The following L3MBTL1 variants were observed in gnomAD, a reference collection of about 807,000 sequenced individuals.
L3MBTL1 encodes the protein L3MBTL histone methyl-lysine binding protein 1, also known as lethal(3)malignant brain tumor-like protein 1.
In L3MBTL1, 75 loss-of-function variants were observed where a neutral mutation model predicts 105.3. The observed-to-expected ratio is 0.71, with a 90% CI of 0.59 to 0.86. The LOEUF is 0.86. L3MBTL1 is among the 40% of genes least tolerant of loss of function. The pLI, the probability that L3MBTL1 is intolerant of heterozygous loss-of-function variation, is 0.00. For missense variants in L3MBTL1, 1,069 were observed against 1,126.4 expected (o/e 0.95, Z 0.73); for synonymous variants, 452 against 436.2 (o/e 1.04, Z -0.45).
At position 43,531,070 on chromosome 20, in the gene L3MBTL1, C is replaced by G. The variant is rs1461722222; in HGVS notation, c.1284+181C>G. The G allele has an allele frequency of 5.0e-6, 3 of 596,846 alleles. No individual in the cohort carries two copies. The East Asian group carries it at 8.7e-5, about 17-fold the overall frequency. The allele number at this position is 596,846 out of a possible 1,614,324, so 37.0% of individuals were successfully genotyped here. On this transcript the variant is annotated intron_variant, in intron 11 of 21. Transcript: ENST00000418998. ...AGGGTCCAGGGCCAGAGATGGGAAG[C>G]TGGTTATAGGTTTTTCCCGACTTCC... is the stretch of plus-strand genomic sequence containing the variant.
intron 11 of L3MBTL1, chr20:43,531,200 C>G (rs942423956): frequency 6.6e-6 from 2 of 303,786 alleles, no homozygotes; most frequent in Admixed American, 9.2e-5. Flanking sequence ...TATATTCTTG[C>G]TTTGGCTTGC....
intron 7 of L3MBTL1, among the ~76,000 whole-genome samples, chr20:43,522,660 CAG>C (rs1205372759): frequency 2.0e-5 from 3 of 150,892 alleles, no homozygotes; most frequent in Non-Finnish European, 4.4e-5. Flanking sequence ...TTTGTAGAGA[CAG>C]GGTTCCGCCA....
At position 43,513,584 on chromosome 20, in the gene L3MBTL1, C is replaced by T. The variant is rs2018197267; in HGVS notation, c.81C>T (p.Ala27=). Residue 27 remains alanine, a synonymous_variant, in exon 2 of 22, where the codon GCC becomes GCT. Transcript: ENST00000418998. ...GGGAGGTCAGCATGCACTTGGTGGC[C>T]GGAGACAGCCCCGGTTCTGGTCCTC... ...STGEVSMHLV[A]GDSPGSGPHL... The T allele has an allele frequency of 6.4e-7, 1 of 1,550,498 alleles. No individual in the cohort carries two copies. The highest frequency in any genetic ancestry group is 2.0e-5 in the Admixed American group (1 of 50,984).
exon 19 of L3MBTL1, chr20:43,549,730 A>ATGTGTGTG (rs11469857): frequency 6.7e-6 from 1 of 148,984 alleles, no homozygotes; most frequent in Admixed American, 6.7e-5. Flanking sequence ...GTGTGTGTGC[A>ATGTGTGTG]TGTGTGTGTG....
At chr20:43,525,761 G>T (rs1207817629) in intron 7 of L3MBTL1, among the ~76,000 whole-genome samples, 2 of 151,938 alleles carry the variant, frequency 1.3e-5, no homozygotes, top group African/African-American at 2.4e-5. Flanking sequence ...CCGTGAAAGG[G>T]GTTACTATGA....
chr20:43,534,637 A>T (rs2019512446), intron 15 of L3MBTL1, 191 bp from the exon 16 acceptor site: 1 of 607,656 alleles, frequency 1.6e-6, no homozygotes, highest in African/African-American at 1.9e-5. Context: ...TGCCAGTGGG[A>T]GATGCCAGTA....
Position 43,540,197 on chromosome 20 carries a change from G to C in L3MBTL1, c.2220G>C (p.Leu740=). 1 of 1,613,472 alleles carries C rather than the reference G, an allele frequency of 6.2e-7. No homozygotes were observed. The highest frequency in any genetic ancestry group is 8.5e-7 in the Non-Finnish European group (1 of 1,180,034). ...ACCAGTCCCTCTTCATGTCAGCCCT[G>C]TCGGCCCACCCTGACCGCTCACTCT... ...VVHQSLFMSA[L]SAHPDRSLSV... The change falls in exon 20 of 22, where the codon CTG becomes CTC. Residue 740 remains leucine, a synonymous_variant. Transcript: ENST00000418998.
In L3MBTL1 at chr20:43,516,192, G is replaced by GTGTA; in HGVS notation, c.862+17_862+20dup. 1 of 1,603,420 alleles carries GTGTA rather than the reference G, an allele frequency of 6.2e-7. No individual in the cohort carries two copies. The highest frequency in any genetic ancestry group is 8.5e-7 in the Non-Finnish European group (1 of 1,170,536). ...CAGCCAGCCTGGTACGGTGGCTTGT[G>GTGTA]TGTATATATATTCGTGTGAGGTGTG... On this transcript the variant is annotated intron_variant, in intron 7 of 21. Transcript: ENST00000418998.
chr20:43,514,380 G>C, intron 3 of L3MBTL1: 1 of 1,397,526 alleles, frequency 7.2e-7, no homozygotes, highest in Non-Finnish European at 9.4e-7. Flanking sequence ...GGTACCGTGG[G>C]ACTGGGCCTG....
Position 43,516,764 on chromosome 20 carries a change from GT to G in L3MBTL1, c.862+598del, listed in dbSNP as rs376865254. Among the ~76,000 whole-genome samples, 1,360 of 147,200 alleles carry G rather than the reference GT, an allele frequency of 9.2e-3. 19 individuals are homozygous for G. The highest frequency in any genetic ancestry group is 0.027 in the East Asian group (139 of 5,064). On this transcript the variant is annotated intron_variant, in intron 7 of 21. Transcript: ENST00000418998. ...AACCATCAACACAAGGACAGTATCT[GT>G]TTTTTTTTTTCTTTTTTAAAATTTT...
At chr20:43,524,292 T>C (rs1464829449) in intron 7 of L3MBTL1, among the ~76,000 whole-genome samples, 4 of 152,252 alleles carry the variant, frequency 2.6e-5, no homozygotes, top group African/African-American at 9.6e-5. Flanking sequence ...TTCCTCTAAA[T>C]ACTGCTTTGG....
At chr20:43,511,000 G>C (rs959126527) in intron 1 of L3MBTL1, among the ~76,000 whole-genome samples, 2 of 152,206 alleles carry the variant, frequency 1.3e-5, no homozygotes, top group African/African-American at 2.4e-5. Flanking sequence ...TGGGATTACA[G>C]GTGTGAGCCA....
chr20:43,529,702 G>A (rs545278834), intron 9 of L3MBTL1, among the ~76,000 whole-genome samples: 3 of 152,328 alleles, frequency 2.0e-5, no homozygotes, highest in Non-Finnish European at 4.4e-5. Flanking sequence ...TCAGTGACAT[G>A]CCACAGGGGT....
At chr20:43,518,069 G>A (rs571648725) in intron 7 of L3MBTL1, among the ~76,000 whole-genome samples, 2 of 151,924 alleles carry the variant, frequency 1.3e-5, no homozygotes, top group South Asian at 4.2e-4. Flanking sequence ...TTTTAGCTGG[G>A]TCCTGTTGAC....
intron 3 of L3MBTL1, 47 bp downstream of exon 3, chr20:43,514,108 G>C: frequency 1.4e-6 from 2 of 1,474,702 alleles, no homozygotes; most frequent in East Asian, 2.5e-5. Context: ...CGCAGCCATG[G>C]GGCGGGGCTT....
chr20:43,544,044 C>T (rs377020626), downstream of L3MBTL1, among the ~76,000 whole-genome samples: 5 of 152,160 alleles, frequency 3.3e-5, no homozygotes, highest in East Asian at 1.9e-4. Flanking sequence ...TGGTAAGGGC[C>T]GTGAAAGACA....
chr20:43,532,740 C>T, intron 11 of L3MBTL1, 33 bp from the exon 12 acceptor site: 2 of 1,613,380 alleles, frequency 1.2e-6, no homozygotes, highest in Admixed American at 1.7e-5. Flanking sequence ...GCCAGCTTGG[C>T]CCTGGCCGTG....
At chr20:43,537,259 A>G (rs1488156237) in intron 19 of L3MBTL1, among the ~76,000 whole-genome samples, 1 of 152,220 alleles carries the variant, frequency 6.6e-6, no homozygotes, top group African/African-American at 2.4e-5. Context: ...TACACAATAG[A>G]AATTTATTTT....
chr20:43,530,746 C>G (rs2019293598), intron 10 of L3MBTL1, 52 bp from the exon 11 acceptor site: 1 of 1,545,646 alleles, frequency 6.5e-7, no homozygotes, highest in East Asian at 2.2e-5. Context: ...GGTGCCCTTG[C>G]TGTGGCCCAG....
Sources: gnomAD v4.1 joint callset for allele counts (sites outside exome capture counted in the v4.1 genomes callset) on GRCh38, gnomAD v4.1.1 for gene constraint, MANE v1.5 for transcripts, NCBI Gene and HGNC (gene_info 2026-07-23, HGNC 2026-07-21) for gene names.